IMPA2: variants seen among roughly 807,000 people sequenced by gnomAD.
IMPA2 encodes the protein inositol monophosphatase 2.
IMPA2 carries 32 observed loss-of-function variants against 35.1 expected under a neutral mutation model. The observed-to-expected ratio is 0.91, with a 90% CI of 0.69 to 1.23. IMPA2 has a LOEUF of 1.23. Among genes scored for constraint, IMPA2 ranks in the 50% most tolerant of loss-of-function variants. The probability of loss-of-function intolerance (pLI) is 0.00; values close to 1 mark genes in which losing one functional copy is unlikely to be tolerated. For missense variants in IMPA2, 334 were observed against 387.6 expected, an observed-to-expected ratio of 0.86 and a Z score of 1.16; for synonymous variants, 135 against 160.6, an observed-to-expected ratio of 0.84 and a Z score of 1.20.
chr18:12,004,535 T>G (rs1028919329), intron 2 of IMPA2, among the ~76,000 whole-genome samples: 9 of 132,902 alleles, frequency 6.8e-5, no homozygotes, highest in South Asian at 2.3e-4. Context: ...ATATTGTGGG[T>G]TTTTTTTTTT....
chr18:11,988,066 T>C (rs1057229659), intron 1 of IMPA2, among the ~76,000 whole-genome samples: 22 of 130,466 alleles, frequency 1.7e-4, no homozygotes, highest in Non-Finnish European at 1.6e-5. Flanking sequence ...AGTGCAGTGG[T>C]GCGATCTCAG....
At chr18:12,020,000 T>C (rs11664622) in intron 5 of IMPA2, among the ~76,000 whole-genome samples, 96,366 of 151,956 alleles carry the variant, frequency 0.63, 31,593 homozygotes, top group African/African-American at 0.69. Context: ...CTCAGTCTCC[T>C]GAGTAGCTAG....
At chr18:12,003,665 G>A (rs34958838) in intron 2 of IMPA2, among the ~76,000 whole-genome samples, 26,377 of 70,822 alleles carry the variant, frequency 0.37, 2,869 homozygotes, top group East Asian at 0.53. Flanking sequence ...AAAAAAAAAA[G>A]AAAAGGAAAA....
intron 1 of IMPA2, among the ~76,000 whole-genome samples, chr18:11,982,309 A>C (rs1208202352): frequency 2.6e-5 from 4 of 152,214 alleles, no homozygotes; most frequent in Admixed American, 1.3e-4. Context: ...CGAGCCGCAG[A>C]GCTACCGAAA....
At chr18:12,019,910 C>T (rs1448757223) in intron 5 of IMPA2, among the ~76,000 whole-genome samples, 3 of 152,180 alleles carry the variant, frequency 2.0e-5, no homozygotes, top group African/African-American at 7.2e-5. Flanking sequence ...CAGTCTTGCT[C>T]TGTTGCCCAG....
chr18:11,995,454 T>C (rs1906935047), intron 1 of IMPA2, among the ~76,000 whole-genome samples: 1 of 152,352 alleles, frequency 6.6e-6, no homozygotes, highest in East Asian at 1.9e-4. Flanking sequence ...TTGCTCCAAC[T>C]TGGAGGTTCT....
At chr18:11,986,672 A>C (rs890219893) in intron 1 of IMPA2, among the ~76,000 whole-genome samples, 1 of 152,198 alleles carries the variant, frequency 6.6e-6, no homozygotes, top group Non-Finnish European at 1.5e-5. Context: ...CACTGAAAGC[A>C]CATGATGAAG....
intron 1 of IMPA2, among the ~76,000 whole-genome samples, chr18:11,984,932 C>T (rs528144336): frequency 1.4e-5 from 2 of 147,238 alleles, no homozygotes; most frequent in South Asian, 4.3e-4. Context: ...CGTGCCACTG[C>T]ACTCCAGCCT....
At chr18:12,000,837 G>A (rs1454822684) in intron 2 of IMPA2, among the ~76,000 whole-genome samples, 12 of 150,704 alleles carry the variant, frequency 8.0e-5, no homozygotes, top group Admixed American at 7.3e-4. Flanking sequence ...GGATGGTCTC[G>A]ATCTCCTGAC....
At chr18:12,005,144 C>T (rs28485581) in intron 2 of IMPA2, among the ~76,000 whole-genome samples, 1 of 152,158 alleles carries the variant, frequency 6.6e-6, no homozygotes, top group Non-Finnish European at 1.5e-5. Flanking sequence ...CTGCTGCCCA[C>T]AAGCATGAGG....
chr18:12,025,008 C>G (rs1907840700), intron 5 of IMPA2, among the ~76,000 whole-genome samples: 1 of 152,192 alleles, frequency 6.6e-6, no homozygotes, highest in Non-Finnish European at 1.5e-5. Flanking sequence ...AATATTTTCG[C>G]TGCCCTAAAA....
intron 2 of IMPA2, among the ~76,000 whole-genome samples, chr18:12,004,687 G>T (rs1206869582): frequency 6.6e-6 from 1 of 151,894 alleles, no homozygotes; most frequent in Non-Finnish European, 1.5e-5. Flanking sequence ...ACTATGTCTG[G>T]GTAATTTTCA....
intron 1 of IMPA2, among the ~76,000 whole-genome samples, chr18:11,986,371 C>T (rs1568025427): frequency 6.6e-6 from 1 of 152,140 alleles, no homozygotes; most frequent in Non-Finnish European, 1.5e-5. Flanking sequence ...CTTCATGGAC[C>T]GCTTCTCAGG....
Position 12,001,887 on chromosome 18 carries a change from T to C in IMPA2, c.230+2700T>C, listed in dbSNP as rs59264257. 9.7e-3 allele frequency among the ~76,000 whole-genome samples: 1,480 copies of C among 152,260 alleles called. 25 individuals carry two copies. Among genetic ancestry groups the C allele is most frequent in the African/African-American group, 0.033 (1,391 of 41,562 alleles). On this transcript the variant is annotated intron_variant, in intron 2 of 7. Transcript: ENST00000269159. The stretch of plus-strand genomic sequence containing the variant: ...GGGTTCCCAAGCTCTAGCCCACAAG[T>C]CAGTGGACTGTGGCTGCACCACGGA...
intron 5 of IMPA2, chr18:12,021,767 C>T (rs1325348181): frequency 6.6e-6 from 1 of 152,226 alleles, no homozygotes; most frequent in Non-Finnish European, 1.5e-5. Flanking sequence ...ATCGGCGCAC[C>T]TCAGCCTTGC....
chr18:12,027,273 C>T (rs989355499), intron 5 of IMPA2, among the ~76,000 whole-genome samples: 20 of 152,164 alleles, frequency 1.3e-4, no homozygotes, highest in African/African-American at 4.1e-4. Flanking sequence ...GAGCAGAATC[C>T]CGGTCACGTC....
intron 1 of IMPA2, among the ~76,000 whole-genome samples, chr18:11,987,031 A>G (rs1444509363): frequency 1.3e-5 from 2 of 152,208 alleles, no homozygotes; most frequent in Admixed American, 6.5e-5. Context: ...TGAGCCATCC[A>G]TCTTCCCAGC....
chr18:11,999,948 A>G (rs1907070939), intron 2 of IMPA2, among the ~76,000 whole-genome samples: 1 of 152,174 alleles, frequency 6.6e-6, no homozygotes, highest in Admixed American at 6.5e-5. Context: ...CTGCAGTATA[A>G]ATGCTGAAGA....
In IMPA2 at chr18:12,025,202, G is replaced by A. The variant is rs564709571; in HGVS notation, c.491-2841G>A. Among the ~76,000 whole-genome samples the A allele has an allele frequency of 2.0e-5, 3 of 152,300 alleles. No individual in the cohort carries two copies. The East Asian group carries it at 5.8e-4, about 29-fold the overall frequency. ...TTAAGGTTCATCCGTATCTTGTCAT[G>A]CTTTCTCATTTCCTTTAAGTGCTGG... is the stretch of plus-strand genomic sequence containing the variant. On this transcript the variant is annotated intron_variant, in intron 5 of 7. Transcript: ENST00000269159.
Sources: allele counts gnomAD v4.1 joint callset (sites outside exome capture counted in the v4.1 genomes callset), GRCh38; gene constraint gnomAD v4.1.1; transcripts MANE v1.5; gene names NCBI Gene and HGNC (gene_info 2026-07-23, HGNC 2026-07-21).